LAMB4: variants seen among roughly 807,000 people sequenced by gnomAD.
LAMB4 encodes the protein laminin subunit beta 4.
A neutral mutation model predicts 199.2 loss-of-function variants in LAMB4; 196 were observed. The ratio of observed to expected loss-of-function variants is 0.98; its 90% confidence interval spans 0.88 to 1.11. The LOEUF (loss-of-function observed/expected upper bound fraction) is 1.11. Among genes scored for constraint, LAMB4 ranks in the 50% least tolerant of loss-of-function variants. The probability of loss-of-function intolerance (pLI) is 0.00; values close to 1 mark genes in which losing one functional copy is unlikely to be tolerated. For missense variants in LAMB4, 2,080 were observed against 2,171.2 expected (o/e 0.96, Z 0.83); for synonymous variants, 744 against 770.6 (o/e 0.97, Z 0.57).
Position 108,116,074 on chromosome 7 carries a change from G to A in LAMB4, c.122C>T (p.Thr41Met), listed in dbSNP as rs140462508. 527 of 1,614,084 alleles carry A rather than the reference G, an allele frequency of 3.3e-4. No individual in the cohort carries two copies. The highest frequency in any genetic ancestry group is 1.3e-3 in the South Asian group (122 of 91,068). Reference sequence around the variant, plus strand: ...ACAGGTAGAAGAAGCCATAAGCTGCGTGTTCCTGCCCACCAGGAGATCACC... The same window carrying A: ...ACAGGTAGAAGAAGCCATAAGCTGCATGTTCCTGCCCACCAGGAGATCACC... ...TTGDLLVGRN[T>M]QLMASSTCGL... is the part of the protein sequence containing the mutation. The change falls in exon 3 of 34, where the codon ACG (threonine) becomes ATG (methionine). Residue 41 changes from threonine (T) to methionine (M), a missense_variant. Transcript: ENST00000388781.
At chr7:108,047,078 T>A (rs2035652321) in intron 28 of LAMB4, among the ~76,000 whole-genome samples, 1 of 152,094 alleles carries the variant, frequency 6.6e-6, no homozygotes. Flanking sequence ...GTTTCCAAAT[T>A]TTTAATGCTT....
chr7:108,106,350 G>A (rs1264438688), intron 7 of LAMB4, among the ~76,000 whole-genome samples, 159 bp downstream of exon 7: 4 of 151,966 alleles, frequency 2.6e-5, no homozygotes, highest in Non-Finnish European at 5.9e-5. Flanking sequence ...CCCAGGAGGC[G>A]GAGGTTGCAG....
intron 29 of LAMB4, among the ~76,000 whole-genome samples, chr7:108,040,539 A>G (rs879506259): frequency 1.3e-5 from 2 of 152,236 alleles, no homozygotes; most frequent in Non-Finnish European, 2.9e-5. Flanking sequence ...CCAAAACAGC[A>G]TGGTGCTAGT....
chr7:108,047,316 T>TC (rs1367215838), intron 28 of LAMB4, among the ~76,000 whole-genome samples: 1 of 151,988 alleles, frequency 6.6e-6, no homozygotes, highest in East Asian at 1.9e-4. Context: ...CCCTTCCACC[T>TC]CCTCCACCCC....
At chr7:108,059,898 T>C (rs142960027) in intron 23 of LAMB4, among the ~76,000 whole-genome samples, 4 of 152,372 alleles carry the variant, frequency 2.6e-5, no homozygotes, top group Admixed American at 6.5e-5. Context: ...TATCTTGTTC[T>C]GTCTTTATCA....
At chr7:108,088,826 T>C (rs2037287100) in intron 14 of LAMB4, among the ~76,000 whole-genome samples, 1 of 152,172 alleles carries the variant, frequency 6.6e-6, no homozygotes, top group African/African-American at 2.4e-5. Flanking sequence ...ACAGAAGGTG[T>C]ATGGTGAACT....
In LAMB4 at chr7:108,023,965, G is replaced by C; in HGVS notation, c.*74C>G. On this transcript the variant is annotated 3_prime_UTR_variant, in exon 34 of 34. Coordinates refer to ENST00000388781, the MANE Select transcript of LAMB4 (RefSeq NM_007356.3). Reference sequence around the variant, plus strand: ...AGAAGACATTGTCAGTATTTCACAGGTTCAACAGAGCCCCAGGGGCTTGTA... The same window carrying C: ...AGAAGACATTGTCAGTATTTCACAGCTTCAACAGAGCCCCAGGGGCTTGTA... 1 of 1,309,864 alleles carries C rather than the reference G, an allele frequency of 7.6e-7. No individual in the cohort carries two copies. The highest frequency in any genetic ancestry group is 1.0e-6 in the Non-Finnish European group (1 of 960,886). 81.1% of individuals were successfully genotyped at this position (1,309,864 alleles called of 1,614,324 possible).
At chr7:108,094,836 T>TC (rs2037535440) in intron 12 of LAMB4, among the ~76,000 whole-genome samples, 1 of 152,150 alleles carries the variant, frequency 6.6e-6, no homozygotes, top group Non-Finnish European at 1.5e-5. Context: ...CAAAACATTT[T>TC]TAGGAAGGGA....
intron 10 of LAMB4, among the ~76,000 whole-genome samples, chr7:108,099,267 C>T (rs1330869548): frequency 1.3e-5 from 2 of 152,188 alleles, no homozygotes; most frequent in Non-Finnish European, 2.9e-5. Context: ...ATGGGATAAA[C>T]AGTCACTTGC....
the LAMB4 span, among the ~76,000 whole-genome samples, chr7:108,012,437 C>G: frequency 1.3e-5 from 2 of 152,112 alleles, no homozygotes; most frequent in East Asian, 3.8e-4. Flanking sequence ...TAATTAAACA[C>G]AAACGTAAAA....
At chr7:108,039,262 A>G (rs1350131079) in intron 29 of LAMB4, among the ~76,000 whole-genome samples, 2 of 152,126 alleles carry the variant, frequency 1.3e-5, no homozygotes, top group Non-Finnish European at 2.9e-5. Flanking sequence ...GGAGCCAAAA[A>G]TGATTTTCAG....
chr7:108,048,145 CTTG>C (rs768723642), intron 27 of LAMB4, 34 bp from the exon 28 acceptor site: 30 of 711,492 alleles, frequency 4.2e-5, no homozygotes, highest in African/African-American at 1.6e-4. Flanking sequence ...TAAATAGCAA[CTTG>C]TTGTCAGAGC....
chr7:108,105,877 A>T lies in LAMB4; in HGVS notation c.810T>A (p.His270Gln), dbSNP rs747510799. The change falls in exon 8 of 34, where the codon CAT becomes CAA. Residue 270 changes from histidine to glutamine, a missense_variant. Transcript: ENST00000388781. ...TCTGCATAGGGCGACATTCGCTAGC[A>T]TGGCCATTGCAAAAGCAGCTTCCCC... ...IVRGSCFCNG[H>Q]ASECRPMQKM... 6.2e-7 allele frequency: 1 copy of T among 1,614,266 alleles called. No individual in the cohort carries two copies. The highest frequency in any genetic ancestry group is 1.1e-5 in the South Asian group (1 of 91,090).
Position 108,065,815 on chromosome 7 carries a change from T to C in LAMB4, c.2783A>G (p.Tyr928Cys). The C allele has an allele frequency of 6.2e-7, 1 of 1,614,154 alleles. No individual in the cohort carries two copies. Among genetic ancestry groups the C allele is most frequent in the Non-Finnish European group, 8.5e-7 (1 of 1,179,974 alleles). ...SSNQYFAHSC[Y>C]QNLWSSDVIC... ...TACATCTGAGCTCCACAGATTCTGA[T>C]AACAGGAATGGGCAAAATACTGATT... The change falls in exon 21 of 34, where the codon TAT becomes TGT. Residue 928 changes from tyrosine to cysteine, a missense_variant. Tyr to Cys is a radical substitution (Grantham distance 194). Coordinates refer to ENST00000388781, the MANE Select transcript of LAMB4 (RefSeq NM_007356.3).
At chr7:108,094,940 C>A (rs976529096) in intron 12 of LAMB4, among the ~76,000 whole-genome samples, 1 of 152,048 alleles carries the variant, frequency 6.6e-6, no homozygotes, top group Non-Finnish European at 1.5e-5. Context: ...TATTCTACTG[C>A]TTGGCATTTT....
At chr7:108,044,154 T>C (rs1563041646) in intron 28 of LAMB4, 1 of 302,678 alleles carries the variant, frequency 3.3e-6, no homozygotes. Context: ...ATTTTTCTAA[T>C]ATAAGTCTAA....
downstream of LAMB4, among the ~76,000 whole-genome samples, chr7:108,020,492 A>G (rs28576025): frequency 2.0e-5 from 3 of 150,358 alleles, no homozygotes; most frequent in African/African-American, 7.4e-5. Flanking sequence ...AAAAAAAAAG[A>G]AAAGAAAAAG....
intron 16 of LAMB4, among the ~76,000 whole-genome samples, chr7:108,077,964 T>A (rs1279655421): frequency 6.6e-6 from 1 of 152,218 alleles, no homozygotes; most frequent in African/African-American, 2.4e-5. Flanking sequence ...TTTTAAGTAC[T>A]CTCCTTCTCA....
At chr7:108,073,669 G>T (rs939814016) in intron 17 of LAMB4, among the ~76,000 whole-genome samples, 1 of 152,234 alleles carries the variant, frequency 6.6e-6, no homozygotes, top group Non-Finnish European at 1.5e-5. Context: ...TGCGTCCCAA[G>T]CAGTCAAGTG....
Sources: gnomAD v4.1 joint callset for allele counts (sites outside exome capture counted in the v4.1 genomes callset) on GRCh38, gnomAD v4.1.1 for gene constraint, MANE v1.5 for transcripts, NCBI Gene and HGNC (gene_info 2026-07-23, HGNC 2026-07-21) for gene names.